CDRT4: variants seen among roughly 807,000 people sequenced by gnomAD.
CDRT4 encodes the protein CMT1A duplicated region transcript 4, also known as CMT1A duplicated region transcript 4 protein.
For synonymous variants in CDRT4, 64 were observed against 69.6 expected, an observed-to-expected ratio of 0.92 and a Z score of 0.40; for missense variants, 167 against 193.1, an observed-to-expected ratio of 0.87 and a Z score of 0.80.
chr17:15,439,937 T>C (rs112839816), intron 3 of CDRT4, among the ~76,000 whole-genome samples: 5,711 of 151,876 alleles, frequency 0.038, 347 homozygotes, highest in African/African-American at 0.13. Flanking sequence ...CTGGGGCCTG[T>C]TTGTGGTGGG....
At chr17:15,443,270 CT>C (rs911939584) in intron 2 of CDRT4, among the ~76,000 whole-genome samples, 1 of 148,400 alleles carries the variant, frequency 6.7e-6, no homozygotes, top group African/African-American at 2.5e-5. Flanking sequence ...TCTGTAATTT[CT>C]TTTTTTCTTT....
At chr17:15,457,166 T>A (rs1979524100) in intron 1 of CDRT4, among the ~76,000 whole-genome samples, 1 of 152,162 alleles carries the variant, frequency 6.6e-6, no homozygotes, top group Admixed American at 6.5e-5. Flanking sequence ...ACCTCCTGCA[T>A]GTCTCTGAAA....
chr17:15,462,226 A>G (rs1018595212), intron 1 of CDRT4, among the ~76,000 whole-genome samples: 4 of 152,110 alleles, frequency 2.6e-5, no homozygotes, highest in African/African-American at 9.7e-5. Flanking sequence ...CAGGAGATCG[A>G]GACCATCCTG....
At chr17:15,441,419 T>G (rs1416065466) in intron 2 of CDRT4, among the ~76,000 whole-genome samples, 1 of 152,202 alleles carries the variant, frequency 6.6e-6, no homozygotes, top group African/African-American at 2.4e-5. Context: ...TAAATGATAC[T>G]GATGTTGCTG....
rs1477272285 is a variant in CDRT4 at position 15,450,674 on chromosome 17, T to C, written c.-48+2330A>G. Among the ~76,000 whole-genome samples, 1 of 152,126 alleles carries C rather than the reference T, an allele frequency of 6.6e-6. No individual in the cohort carries two copies. The highest frequency in any genetic ancestry group is 2.4e-5 in the African/African-American group (1 of 41,424). On this transcript the variant is annotated intron_variant, in intron 2 of 3. Coordinates refer to ENST00000619038, the MANE Select transcript of CDRT4 (RefSeq NM_001204477.2). The surrounding 1 kb of genome is among the most constrained non-coding windows in gnomAD (Gnocchi z 4.2). ...CCACATCTAACTAGACTGACTTCTT[T>C]CCCAAAGTCCAAATACATATATCCA... is the stretch of plus-strand genomic sequence containing the variant.
rs144251718 is a variant in CDRT4, at chr17:15,437,022, A to T, written c.*751T>A. 31 of 152,360 alleles carry T rather than the reference A, an allele frequency of 2.0e-4. No individual in the cohort carries two copies. In the East Asian group the frequency reaches 5.8e-3, roughly 29 times the overall value. The allele number at this position is 152,360 out of a possible 1,614,324, so 9.4% of individuals were successfully genotyped here. On this transcript the variant is annotated 3_prime_UTR_variant, in exon 4 of 4. Transcript: ENST00000619038. ...ATCAGCTTCCTGTCCCTTGCCAGAC[A>T]GGTTGCTAACCCTAGCAGTGCTTTT...
intron 2 of CDRT4, among the ~76,000 whole-genome samples, chr17:15,447,919 A>C (rs1979097863): frequency 6.6e-6 from 1 of 152,200 alleles, no homozygotes; most frequent in Admixed American, 6.5e-5. Context: ...AGCCCTACAA[A>C]CTCATATTCA....
chr17:15,444,714 C>CAGAGAGAGAGAGAGAGAGAGAG (rs59581257), intron 2 of CDRT4, among the ~76,000 whole-genome samples: 15 of 135,924 alleles, frequency 1.1e-4, no homozygotes, highest in African/African-American at 4.1e-4. Flanking sequence ...TAGCCAAGCG[C>CAGAGAGAGAGAGAGAGAGAGAG]AGAGAGAGAG....
rs149000474 is a variant in CDRT4 at position 15,437,914 on chromosome 17, C to T, written c.318G>A (p.Ser106=). The T allele has an allele frequency of 9.4e-5, 152 of 1,614,024 alleles. No individual in the cohort carries two copies. The highest frequency in any genetic ancestry group is 1.6e-4 in the Middle Eastern group (1 of 6,084). The stretch of plus-strand genomic sequence containing the variant: ...TCATGGTAGGAGCCATGGCCAATAC[C>T]GAATAAGCGCCCCACATTGATAACG... ...ESTLSMWGAY[S]VLAMAPTMIP... The change falls in exon 4 of 4, where the codon TCG becomes TCA. Residue 106 remains serine, a synonymous_variant. Transcript: ENST00000619038.
chr17:15,438,255 A>G, intron 3 of CDRT4, 55 bp from the exon 4 acceptor site: 4 of 1,549,536 alleles, frequency 2.6e-6, no homozygotes, highest in Non-Finnish European at 3.5e-6. Context: ...CAATAGCTTG[A>G]TTCTTCAAAA....
At chr17:15,445,711 C>T (rs1322538242) in intron 2 of CDRT4, among the ~76,000 whole-genome samples, 5 of 152,146 alleles carry the variant, frequency 3.3e-5, no homozygotes, top group Admixed American at 1.3e-4. Flanking sequence ...GTCCCCAAAA[C>T]TGTCCCTATG....
rs758156158 is a variant in CDRT4, at chr17:15,464,999, TACAG to T, written c.-130+2457_-130+2460del. Among the ~76,000 whole-genome samples the T allele has an allele frequency of 1.1e-4, 11 of 101,714 alleles. No individual in the cohort carries two copies. The highest frequency in any genetic ancestry group is 2.0e-4 in the Admixed American group (2 of 10,036). The allele number at this position is 101,714 out of a possible 152,430, so 66.7% of individuals were successfully genotyped here. On this transcript the variant is annotated intron_variant, in intron 1 of 3. Transcript: ENST00000619038. This position sits in a 1 kb window ranked among gnomAD's most constrained non-coding sequence, Gnocchi z 4.5. The stretch of plus-strand genomic sequence containing the variant: ...CACACCAACACACAGACACACGCAA[TACAG>T]ACACACACAACACAGACACACACCA...
In CDRT4 at chr17:15,464,115, C is replaced by G. The variant is rs1979884057; in HGVS notation, c.-130+3345G>C. On this transcript the variant is annotated intron_variant, in intron 1 of 3. Coordinates refer to ENST00000619038, the MANE Select transcript of CDRT4 (RefSeq NM_001204477.2). This position sits in a 1 kb window ranked among gnomAD's most constrained non-coding sequence, Gnocchi z 4.5. ...TAGGCAGTGCTAGGTTCGAGTCTTG[C>G]TTCTGACCAACTGTGTGACCTTGGG... Among the ~76,000 whole-genome samples the G allele has an allele frequency of 6.6e-6, 1 of 152,178 alleles. No homozygotes were observed. Among genetic ancestry groups the G allele is most frequent in the African/African-American group, 2.4e-5 (1 of 41,428 alleles).
At chr17:15,448,745 C>A (rs1979138018) in intron 2 of CDRT4, among the ~76,000 whole-genome samples, 1 of 152,168 alleles carries the variant, frequency 6.6e-6, no homozygotes, top group Admixed American at 6.5e-5. Context: ...CTTGTGCCCC[C>A]AGGCTACACC....
Position 15,437,476 on chromosome 17 carries a change from C to A in CDRT4, c.*297G>T. On this transcript the variant is annotated 3_prime_UTR_variant, in exon 4 of 4. Transcript: ENST00000619038. ...AAAGAGCTTGTGTGATTTCTGTCTC[C>A]TGCCTGGACCCAGACAAATCACCCA... 1 of 447,460 alleles carries A rather than the reference C, an allele frequency of 2.2e-6. No individual in the cohort carries two copies. Among genetic ancestry groups the A allele is most frequent in the Non-Finnish European group, 4.0e-6 (1 of 250,204 alleles). The allele number at this position is 447,460 out of a possible 1,614,324, so 27.7% of individuals were successfully genotyped here.
intron 1 of CDRT4, among the ~76,000 whole-genome samples, chr17:15,458,446 G>A (rs1979587540): frequency 6.6e-6 from 1 of 152,060 alleles, no homozygotes; most frequent in Non-Finnish European, 1.5e-5. Context: ...CGTTCAAGGA[G>A]AAGAATGAAG....
At chr17:15,455,837 C>T (rs530529908) in intron 1 of CDRT4, among the ~76,000 whole-genome samples, 2 of 152,178 alleles carry the variant, frequency 1.3e-5, no homozygotes, top group Non-Finnish European at 2.9e-5. Context: ...GAGACCACAT[C>T]CTTGGCCAAA....
intron 2 of CDRT4, among the ~76,000 whole-genome samples, chr17:15,442,597 C>T (rs900586039): frequency 3.9e-5 from 6 of 152,160 alleles, no homozygotes; most frequent in Non-Finnish European, 7.3e-5. Flanking sequence ...GTCTTACAAA[C>T]ATTTGTTTCC....
At chr17:15,446,145 G>A (rs575766242) in intron 2 of CDRT4, among the ~76,000 whole-genome samples, 2 of 152,170 alleles carry the variant, frequency 1.3e-5, no homozygotes, top group East Asian at 1.9e-4. Flanking sequence ...ATCTCCACCC[G>A]AATGGGCCGA....
Sources: allele counts gnomAD v4.1 joint callset (sites outside exome capture counted in the v4.1 genomes callset), GRCh38; gene constraint gnomAD v4.1.1; non-coding constraint Gnocchi (gnomAD v3.1); transcripts MANE v1.5; gene names NCBI Gene and HGNC (gene_info 2026-07-23, HGNC 2026-07-21).